Variants in GPC6 observed in about 807,000 individuals in gnomAD.
The protein encoded by GPC6 is glypican 6.
In GPC6, 14 loss-of-function variants were observed where a neutral mutation model predicts 55.2. That is an observed-to-expected ratio of 0.25 (90% CI 0.17 to 0.40). The LOEUF is 0.40. Ranked by LOEUF, GPC6 falls within the 10% of genes least tolerant of loss-of-function variation. The pLI, the probability that GPC6 is intolerant of heterozygous loss-of-function variation, is 1.00. For missense variants in GPC6, 641 were observed against 708.5 expected, an observed-to-expected ratio of 0.90 and a Z score of 1.08; for synonymous variants, 278 against 259.6, an observed-to-expected ratio of 1.07 and a Z score of -0.68.
At chr13:93,235,707 A>G (rs1876209399) in intron 1 of GPC6, among the ~76,000 whole-genome samples, 1 of 152,300 alleles carries the variant, frequency 6.6e-6, no homozygotes, top group Non-Finnish European at 1.5e-5. Context: ...AGTTTAGAGG[A>G]TGAGCTGTTG....
intron 1 of GPC6, among the ~76,000 whole-genome samples, chr13:93,467,575 CTT>C (rs11426472): frequency 4.2e-4 from 31 of 74,016 alleles, no homozygotes; most frequent in Admixed American, 7.7e-4. Context: ...AGCTGTGATT[CTT>C]TTTTTTTTTT....
chr13:94,235,721 A>G (rs1414072995), intron 4 of GPC6, among the ~76,000 whole-genome samples: 1 of 151,736 alleles, frequency 6.6e-6, no homozygotes, highest in Non-Finnish European at 1.5e-5. Flanking sequence ...TGATTCTTTG[A>G]AAATCTACAC....
chr13:93,566,487 G>GT (rs1240176695), intron 2 of GPC6, among the ~76,000 whole-genome samples: 1 of 151,030 alleles, frequency 6.6e-6, no homozygotes, highest in African/African-American at 2.4e-5. Context: ...TGTGTAAGGT[G>GT]AATGCAACAA....
chr13:94,172,478 A>G (rs1196808815), intron 4 of GPC6, among the ~76,000 whole-genome samples: 2 of 152,234 alleles, frequency 1.3e-5, no homozygotes, highest in Non-Finnish European at 2.9e-5. Context: ...ACTCTAAAGC[A>G]GAGGTCAACA....
At chr13:93,887,589 A>G (rs1875417821) in intron 3 of GPC6, among the ~76,000 whole-genome samples, 1 of 152,118 alleles carries the variant, frequency 6.6e-6, no homozygotes, top group African/African-American at 2.4e-5. Context: ...TTAGAAGTAA[A>G]GAGATAATTT....
At chr13:94,175,743 C>G (rs989263652) in intron 4 of GPC6, among the ~76,000 whole-genome samples, 1 of 150,536 alleles carries the variant, frequency 6.6e-6, no homozygotes, top group Non-Finnish European at 1.5e-5. Flanking sequence ...TTTATATTTC[C>G]TTGATAAGCA....
At chr13:93,961,698 A>G (rs1879784425) in intron 3 of GPC6, among the ~76,000 whole-genome samples, 1 of 152,246 alleles carries the variant, frequency 6.6e-6, no homozygotes, top group African/African-American at 2.4e-5. Flanking sequence ...AGATAGAGGA[A>G]ATGATGAACT....
intron 4 of GPC6, among the ~76,000 whole-genome samples, chr13:94,046,614 G>T (rs1365871128): frequency 1.3e-5 from 2 of 152,034 alleles, no homozygotes; most frequent in South Asian, 2.1e-4. Context: ...TGTCAGAGTG[G>T]CTCACTTTTA....
intron 3 of GPC6, among the ~76,000 whole-genome samples, chr13:93,923,610 T>A (rs1877691277): frequency 6.6e-6 from 1 of 152,128 alleles, no homozygotes; most frequent in Non-Finnish European, 1.5e-5. Flanking sequence ...AGAATTTGAG[T>A]CTTAATTTGC....
At chr13:93,857,688 C>T (rs560649513) in intron 3 of GPC6, among the ~76,000 whole-genome samples, 35 of 151,654 alleles carry the variant, frequency 2.3e-4, no homozygotes, top group Non-Finnish European at 3.1e-4. Context: ...TTTCTGAACA[C>T]ATTGTTTTCA....
intron 1 of GPC6, among the ~76,000 whole-genome samples, chr13:93,276,495 AGTGTGTGTGTGT>A (rs71675979): frequency 0.017 from 1,561 of 94,332 alleles, 10 homozygotes; most frequent in Admixed American, 0.034. Context: ...AGAGAGAGAG[AGTGTGTGTGTGT>A]GTGTGTGTGT....
At chr13:93,848,652 A>C (rs1888285256) in intron 3 of GPC6, among the ~76,000 whole-genome samples, 1 of 152,090 alleles carries the variant, frequency 6.6e-6, no homozygotes, top group Non-Finnish European at 1.5e-5. Flanking sequence ...TTTAAATGTC[A>C]TATTCCTACC....
intron 3 of GPC6, among the ~76,000 whole-genome samples, chr13:93,920,639 G>A (rs1187546412): frequency 1.3e-5 from 2 of 152,080 alleles, no homozygotes; most frequent in African/African-American, 4.8e-5. Flanking sequence ...TCTGTATGTA[G>A]TCCAAGGCCA....
At chr13:94,332,776 C>A (rs150431825) in intron 6 of GPC6, among the ~76,000 whole-genome samples, 127 of 152,320 alleles carry the variant, frequency 8.3e-4, no homozygotes, top group African/African-American at 2.9e-3. Context: ...GTGGTTTTCA[C>A]TGAATTGACC....
chr13:93,502,614 T>C (rs1050930762), intron 1 of GPC6, among the ~76,000 whole-genome samples: 4 of 152,176 alleles, frequency 2.6e-5, no homozygotes, highest in Admixed American at 6.5e-5. Flanking sequence ...TTTGGAACAC[T>C]GGAAGAATAT....
intron 6 of GPC6, among the ~76,000 whole-genome samples, chr13:94,337,633 A>T (rs1311358950): frequency 2.0e-5 from 3 of 152,016 alleles, no homozygotes; most frequent in Admixed American, 6.5e-5. Context: ...TTTTAGGCAG[A>T]GACAGTGTTT....
At chr13:93,414,912 CAA>C (rs1417116360) in intron 1 of GPC6, among the ~76,000 whole-genome samples, 1 of 152,036 alleles carries the variant, frequency 6.6e-6, no homozygotes, top group Non-Finnish European at 1.5e-5. Context: ...TGACAATGAA[CAA>C]AAGAACACAA....
intron 3 of GPC6, among the ~76,000 whole-genome samples, chr13:93,868,184 G>T (rs961704446): frequency 4.0e-5 from 6 of 151,684 alleles, no homozygotes; most frequent in Non-Finnish European, 4.4e-5. Flanking sequence ...GTGCCCGCTT[G>T]TCATATTCAT....
intron 3 of GPC6, among the ~76,000 whole-genome samples, chr13:93,958,209 T>G (rs2140380165): frequency 6.6e-6 from 1 of 152,350 alleles, no homozygotes; most frequent in Non-Finnish European, 1.5e-5. Flanking sequence ...GCAGAAGCTC[T>G]TTAATTTAGT....
Sources: allele counts gnomAD v4.1 joint callset (sites outside exome capture counted in the v4.1 genomes callset), GRCh38; gene constraint gnomAD v4.1.1; transcripts MANE v1.5; gene names NCBI Gene and HGNC (gene_info 2026-07-23, HGNC 2026-07-21).